Variants in CRPPA observed in about 807,000 individuals in gnomAD.
The protein encoded by CRPPA is CDP-L-ribitol pyrophosphorylase A, also known as D-ribitol-5-phosphate cytidylyltransferase.
CRPPA carries 43 observed loss-of-function variants against 52.0 expected under a neutral mutation model. The ratio of observed to expected loss-of-function variants is 0.83; its 90% CI spans 0.65 to 1.07. The LOEUF is 1.07. Ranked by LOEUF, CRPPA falls within the 50% of genes least tolerant of loss-of-function variation. CRPPA has a pLI of 0.00. For synonymous variants in CRPPA, 250 were observed against 203.5 expected (o/e 1.23, Z -1.94); for missense variants, 629 against 551.7 (o/e 1.14, Z -1.40).
intron 9 of CRPPA, among the ~76,000 whole-genome samples, chr7:16,190,415 G>A (rs552669925): frequency 4.9e-4 from 74 of 152,292 alleles, no homozygotes; most frequent in African/African-American, 1.3e-3. Context: ...TTAGGTCACC[G>A]TGTTACAAAA....
At chr7:16,312,845 T>G (rs1785062571) in intron 3 of CRPPA, among the ~76,000 whole-genome samples, 1 of 152,026 alleles carries the variant, frequency 6.6e-6, no homozygotes, top group African/African-American at 2.4e-5. Flanking sequence ...TATATGATTT[T>G]TCTCTTTCTG....
intron 3 of CRPPA, among the ~76,000 whole-genome samples, chr7:16,371,821 A>G (rs371536439): frequency 6.6e-6 from 1 of 152,124 alleles, no homozygotes; most frequent in African/African-American, 2.4e-5. Flanking sequence ...TAAATCTATG[A>G]TATAAATGAA....
intron 3 of CRPPA, among the ~76,000 whole-genome samples, chr7:16,374,039 G>C (rs766034549): frequency 4.6e-5 from 7 of 152,072 alleles, no homozygotes; most frequent in Non-Finnish European, 7.4e-5. Context: ...GTTAATATTA[G>C]GTATTAACTT....
chr7:16,232,858 G>C (rs570862970), intron 8 of CRPPA, among the ~76,000 whole-genome samples: 1 of 151,960 alleles, frequency 6.6e-6, no homozygotes, highest in Non-Finnish European at 1.5e-5. Flanking sequence ...AAATATGGCC[G>C]ATTATGAGGA....
chr7:16,176,713 A>G (rs190403491), intron 9 of CRPPA, among the ~76,000 whole-genome samples: 1 of 152,006 alleles, frequency 6.6e-6, no homozygotes, highest in Admixed American at 6.6e-5. Context: ...AGTAGCTGGG[A>G]CTATAGGCAT....
intron 9 of CRPPA, among the ~76,000 whole-genome samples, chr7:16,203,581 G>A (rs28452884): frequency 0.036 from 5,527 of 152,076 alleles, 320 homozygotes; most frequent in African/African-American, 0.13. Flanking sequence ...AAAACCTCCC[G>A]AGAATAAAGA....
At chr7:16,316,416 A>G (rs1258010166) in intron 3 of CRPPA, among the ~76,000 whole-genome samples, 1 of 152,128 alleles carries the variant, frequency 6.6e-6, no homozygotes, top group Non-Finnish European at 1.5e-5. Context: ...TGTTTAAATT[A>G]TATGTCTTAT....
chr7:16,324,013 G>A (rs1467040140), intron 3 of CRPPA, among the ~76,000 whole-genome samples: 3 of 152,186 alleles, frequency 2.0e-5, no homozygotes, highest in Admixed American at 6.5e-5. Flanking sequence ...GATGCAAATA[G>A]GAGGAAGCAG....
intron 2 of CRPPA, among the ~76,000 whole-genome samples, chr7:16,399,688 C>T (rs1473130784): frequency 6.6e-6 from 1 of 152,030 alleles, no homozygotes. Flanking sequence ...ACCAGTGACA[C>T]GTGAGCAACA....
At chr7:16,128,567 A>ACC (rs923985631) in intron 9 of CRPPA, among the ~76,000 whole-genome samples, 3 of 152,202 alleles carry the variant, frequency 2.0e-5, no homozygotes, top group African/African-American at 7.2e-5. Context: ...TAACAAAGCC[A>ACC]AAGAAATAAC....
chr7:16,142,961 A>G (rs1782902332), intron 9 of CRPPA, among the ~76,000 whole-genome samples: 1 of 152,238 alleles, frequency 6.6e-6, no homozygotes, highest in African/African-American at 2.4e-5. Flanking sequence ...TAATTATAGT[A>G]AAGACTTGTA....
chr7:16,354,584 T>C (rs528717440), intron 3 of CRPPA, among the ~76,000 whole-genome samples: 1 of 152,200 alleles, frequency 6.6e-6, no homozygotes, highest in Non-Finnish European at 1.5e-5. Flanking sequence ...AACTTGAGAT[T>C]ACTTTAGAAG....
At chr7:16,391,447 C>A (rs1256646007) in intron 2 of CRPPA, among the ~76,000 whole-genome samples, 2 of 152,160 alleles carry the variant, frequency 1.3e-5, no homozygotes, top group Non-Finnish European at 2.9e-5. Flanking sequence ...TCACTCTTGT[C>A]CTTCCACAGC....
intron 3 of CRPPA, among the ~76,000 whole-genome samples, chr7:16,316,539 G>C (rs1428787550): frequency 1.3e-5 from 2 of 151,972 alleles, no homozygotes; most frequent in African/African-American, 2.4e-5. Context: ...CTCATGTTCT[G>C]GTGGTATTTA....
chr7:16,420,426 C>G (rs936951541), intron 1 of CRPPA, among the ~76,000 whole-genome samples: 1 of 152,180 alleles, frequency 6.6e-6, no homozygotes, highest in Non-Finnish European at 1.5e-5. Flanking sequence ...GACTGTTCCC[C>G]TAGTCCTCCT....
At chr7:16,114,022 T>A (rs10238010) in intron 9 of CRPPA, among the ~76,000 whole-genome samples, 1 of 151,964 alleles carries the variant, frequency 6.6e-6, no homozygotes, top group Non-Finnish European at 1.5e-5. Context: ...AACAGTAGCA[T>A]AAAAGTTAGG....
At chr7:16,296,521 C>A (rs2128421745) in intron 5 of CRPPA, among the ~76,000 whole-genome samples, 1 of 151,964 alleles carries the variant, frequency 6.6e-6, no homozygotes, top group Admixed American at 6.5e-5. Flanking sequence ...AAAATAGTTA[C>A]TTTAATAGAA....
chr7:16,143,116 G>A (rs1384055374), intron 9 of CRPPA, among the ~76,000 whole-genome samples: 2 of 152,188 alleles, frequency 1.3e-5, no homozygotes, highest in African/African-American at 2.4e-5. Context: ...AGAGTAGGCA[G>A]TACCCAAAGT....
intron 9 of CRPPA, among the ~76,000 whole-genome samples, chr7:16,121,492 T>C (rs1054856437): frequency 2.0e-5 from 3 of 152,054 alleles, no homozygotes; most frequent in Non-Finnish European, 4.4e-5. Context: ...TCAATAATAA[T>C]AAAAACCTTA....
Sources: gnomAD v4.1 joint callset for allele counts (sites outside exome capture counted in the v4.1 genomes callset) on GRCh38, gnomAD v4.1.1 for gene constraint, MANE v1.5 for transcripts, NCBI Gene and HGNC (gene_info 2026-07-23, HGNC 2026-07-21) for gene names.